Variants in SPATA19 observed in about 807,000 individuals in gnomAD.
SPATA19 encodes spermatogenesis-associated protein 19, mitochondrial.
In SPATA19, 19 loss-of-function variants were observed where a neutral mutation model predicts 25.0. That is an observed-to-expected ratio of 0.76 (90% confidence interval 0.53 to 1.11). SPATA19 has a LOEUF of 1.11. SPATA19 is among the 50% of genes most tolerant of loss of function. The pLI is 0.00. For missense variants in SPATA19, 222 were observed against 211.4 expected (o/e 1.05, Z -0.31); for synonymous variants, 64 against 69.3 (o/e 0.92, Z 0.38).
downstream of SPATA19, among the ~76,000 whole-genome samples, chr11:133,838,589 C>T (rs1293238883): frequency 6.6e-6 from 1 of 152,094 alleles, no homozygotes; most frequent in African/African-American, 2.4e-5. Flanking sequence ...AGAAGAAAAC[C>T]TAGGCAATAC....
chr11:133,841,928 A>G (rs1938317842), intron 6 of SPATA19, 102 bp downstream of exon 6: 1 of 1,158,932 alleles, frequency 8.6e-7, no homozygotes, highest in African/African-American at 1.5e-5. Flanking sequence ...CCCAGTAGGG[A>G]AAAGCTAAGC....
intron 4 of SPATA19, among the ~76,000 whole-genome samples, chr11:133,843,812 G>A (rs910800522): frequency 1.1e-4 from 16 of 152,204 alleles, no homozygotes; most frequent in African/African-American, 2.7e-4. Context: ...GCAGGCACCC[G>A]GGACGCTGGC....
At chr11:133,837,791 T>C (rs1341529908), downstream of SPATA19, among the ~76,000 whole-genome samples, 1 of 152,118 alleles carries the variant, frequency 6.6e-6, no homozygotes, top group Non-Finnish European at 1.5e-5. Context: ...CACCACAATA[T>C]AGGCTTCCCA....
chr11:133,837,676 G>A (rs1938236856), downstream of SPATA19, among the ~76,000 whole-genome samples: 1 of 152,170 alleles, frequency 6.6e-6, no homozygotes, highest in Non-Finnish European at 1.5e-5. Context: ...AATGAGGGGG[G>A]AAGCTGAGAA....
At chr11:133,840,525 C>G (rs909689523), downstream of SPATA19, 5 of 152,230 alleles carry the variant, frequency 3.3e-5, no homozygotes, top group Admixed American at 2.0e-4. Flanking sequence ...CTGTCTGTCT[C>G]CCTCAAGGCT....
At chr11:133,842,302 T>A (rs1938326201) in intron 5 of SPATA19, among the ~76,000 whole-genome samples, 183 bp downstream of exon 5, 1 of 152,188 alleles carries the variant, frequency 6.6e-6, no homozygotes, top group South Asian at 2.1e-4. Context: ...CATGGGAGGC[T>A]GGCAAAGCCC....
downstream of SPATA19, among the ~76,000 whole-genome samples, chr11:133,839,315 A>G: frequency 6.6e-6 from 1 of 152,236 alleles, no homozygotes; most frequent in Non-Finnish European, 1.5e-5. Context: ...GATTAAGAAA[A>G]TGAGGCACAT....
chr11:133,839,733 A>C (rs1938271396), downstream of SPATA19, among the ~76,000 whole-genome samples: 1 of 152,196 alleles, frequency 6.6e-6, no homozygotes, highest in Admixed American at 6.5e-5. Context: ...ACCCAAACTG[A>C]AACACAAAGA....
chr11:133,842,480 C>T lies in SPATA19; in HGVS notation c.437+5G>A, dbSNP rs112503788. On this transcript the variant is annotated splice_donor_5th_base_variant and intron_variant, in intron 5 of 6. Transcript: ENST00000299140. ...ACACAAATCAAGCAGTTCCAAACAG[C>T]TTACCTTCGTCTCACCTGCTCTATT... is the stretch of plus-strand genomic sequence containing the variant. 71 of 1,613,074 alleles carry T rather than the reference C, an allele frequency of 4.4e-5. 1 individual carries two copies. In the African/African-American group the frequency reaches 7.3e-4, roughly 17 times the overall value.
downstream of SPATA19, among the ~76,000 whole-genome samples, chr11:133,840,338 C>T (rs890550007): frequency 5.9e-5 from 9 of 152,180 alleles, no homozygotes; most frequent in African/African-American, 1.9e-4. Flanking sequence ...AGGGCAGAAA[C>T]TCAAATCTAC....
chr11:133,836,541 A>G (rs1938217056), downstream of SPATA19, among the ~76,000 whole-genome samples: 1 of 152,198 alleles, frequency 6.6e-6, no homozygotes, highest in Non-Finnish European at 1.5e-5. Context: ...TTTGGATTCA[A>G]ACTCTGGCTA....
At chr11:133,844,366 C>A (rs1383416887) in intron 3 of SPATA19, 29 bp from the exon 4 acceptor site, 28 of 1,613,222 alleles carry the variant, frequency 1.7e-5, no homozygotes, top group Non-Finnish European at 2.3e-5. Flanking sequence ...CCATGTGATT[C>A]CTGCCCAGTG....
At chr11:133,835,995 C>T (rs1300695544), downstream of SPATA19, among the ~76,000 whole-genome samples, 1 of 152,216 alleles carries the variant, frequency 6.6e-6, no homozygotes, top group African/African-American at 2.4e-5. Context: ...CCTGTCTCCA[C>T]GTGTAAAATC....
chr11:133,838,666 C>A (rs1170073673), downstream of SPATA19, among the ~76,000 whole-genome samples: 3 of 152,076 alleles, frequency 2.0e-5, no homozygotes, highest in Non-Finnish European at 1.5e-5. Flanking sequence ...CAACAAAAGC[C>A]AAAATTGACA....
At chr11:133,837,692 C>G (rs1470560422), downstream of SPATA19, among the ~76,000 whole-genome samples, 1 of 152,142 alleles carries the variant, frequency 6.6e-6, no homozygotes, top group South Asian at 2.1e-4. Context: ...GAGAATCACA[C>G]AGAAAGGTCA....
At chr11:133,843,511 A>G (rs1202550394) in intron 4 of SPATA19, among the ~76,000 whole-genome samples, 1 of 152,176 alleles carries the variant, frequency 6.6e-6, no homozygotes, top group Non-Finnish European at 1.5e-5. Context: ...TTCTTGAGAA[A>G]TGGAGCCTCC....
intron 6 of SPATA19, 97 bp downstream of exon 6, chr11:133,841,933 C>T (rs1938317953): frequency 8.3e-7 from 1 of 1,204,078 alleles, no homozygotes. Flanking sequence ...TAGGGAAAAG[C>T]TAAGCCTCTT....
Position 133,844,642 on chromosome 11 carries a change from T to C in SPATA19, c.136-2A>G, listed in dbSNP as rs776391207. ...GCCCCGAGAAGCCTCTTCTTCTGTCTGAAAGGTGAGAAATTCCCTCTGAAA... is the reference window on the plus strand; with the variant it reads ...GCCCCGAGAAGCCTCTTCTTCTGTCCGAAAGGTGAGAAATTCCCTCTGAAA... On this transcript the variant is annotated splice_acceptor_variant, in intron 2 of 6. Coordinates refer to ENST00000299140, the MANE Select transcript of SPATA19 (RefSeq NM_174927.3). LOFTEE classifies it high-confidence loss of function. 2.5e-6 allele frequency: 4 copies of C among 1,591,800 alleles called. No individual in the cohort carries two copies. In the Admixed American group the frequency reaches 5.3e-5, roughly 21 times the overall value.
downstream of SPATA19, among the ~76,000 whole-genome samples, chr11:133,839,850 A>T (rs973097794): frequency 6.6e-6 from 1 of 152,148 alleles, no homozygotes; most frequent in African/African-American, 2.4e-5. Context: ...GAATAAAAAG[A>T]GAGAAGAATA....
Sources: gnomAD v4.1 joint callset for allele counts (sites outside exome capture counted in the v4.1 genomes callset) on GRCh38, gnomAD v4.1.1 for gene constraint, MANE v1.5 for transcripts, NCBI Gene and HGNC (gene_info 2026-07-23, HGNC 2026-07-21) for gene names.